The following DMD variants were observed in gnomAD, a reference collection of about 807,000 sequenced individuals.
The protein encoded by DMD is dystrophin.
In DMD, 63 loss-of-function variants were observed where a neutral mutation model predicts 330.1. The ratio of observed to expected loss-of-function variants is 0.19; its 90% confidence interval spans 0.16 to 0.24. DMD has a LOEUF of 0.24. DMD is among the 10% of genes least tolerant of loss of function. The pLI is 1.00. For missense variants in DMD, 3,344 were observed against 2,684.1 expected (o/e 1.25, Z -5.43); for synonymous variants, 1,223 against 959.8 (o/e 1.27, Z -5.07).
At chrX:31,833,275 A>G (rs938629759) in intron 49 of DMD, among the ~76,000 whole-genome samples, 3 of 40,463 alleles carry the variant, frequency 7.4e-5, no homozygotes, top group South Asian at 1.6e-3. Flanking sequence ...AGGAAGGGGG[A>G]GAGAGAGAGA....
intron 9 of DMD, among the ~76,000 whole-genome samples, chrX:32,672,142 T>C (rs1284933819): frequency 9.0e-6 from 1 of 111,530 alleles, no homozygotes; most frequent in African/African-American, 3.2e-5. Flanking sequence ...ATTTTGAATA[T>C]ATTAGTTGTG....
Position 31,915,097 on chromosome X carries a change from A to G in DMD, c.6912+14499T>C, listed in dbSNP as rs1413364594. Among the ~76,000 whole-genome samples the G allele has an allele frequency of 2.7e-5, 3 of 112,515 alleles. No individual in the cohort carries two copies. In the East Asian group the frequency reaches 8.4e-4, roughly 32 times the overall value. On this transcript the variant is annotated intron_variant, in intron 47 of 78. Coordinates refer to ENST00000357033, the MANE Select transcript of DMD (RefSeq NM_004006.3). ...GAGCAGATAGCATAACTTTCACTTT[A>G]TAGGTCACTGGACCATGAGGAACCA... is the stretch of plus-strand genomic sequence containing the variant.
chrX:32,549,150 C>T (rs1376455426), intron 16 of DMD, among the ~76,000 whole-genome samples: 2 of 111,908 alleles, frequency 1.8e-5, no homozygotes, highest in Non-Finnish European at 3.8e-5. Context: ...GCTGATTCCT[C>T]TTAGAGTGGT....
intron 44 of DMD, among the ~76,000 whole-genome samples, chrX:32,044,428 A>ATTT (rs771155386): frequency 0.011 from 1,008 of 95,550 alleles, 20 homozygotes; most frequent in Middle Eastern, 0.026. Context: ...TTATTTATTT[A>ATTT]ATTTTTTTTT....
intron 62 of DMD, among the ~76,000 whole-genome samples, chrX:31,283,385 C>A (rs2052774258): frequency 1.8e-5 from 2 of 110,955 alleles, no homozygotes; most frequent in Non-Finnish European, 3.8e-5. Flanking sequence ...TGAAGAAAGC[C>A]CAAAATATGG....
chrX:32,975,258 C>A (rs2092507021), intron 2 of DMD, among the ~76,000 whole-genome samples: 1 of 109,418 alleles, frequency 9.1e-6, no homozygotes, highest in African/African-American at 3.3e-5. Flanking sequence ...ACAGCCAACC[C>A]ACAGTAAAAA....
intron 7 of DMD, among the ~76,000 whole-genome samples, chrX:32,763,119 C>T (rs1033611579): frequency 6.3e-5 from 7 of 111,619 alleles, no homozygotes; most frequent in East Asian, 5.7e-4. Flanking sequence ...TCAATTAAAA[C>T]GTAGCTTAAT....
intron 63 of DMD, among the ~76,000 whole-genome samples, chrX:31,250,243 A>G (rs2049212402): frequency 9.0e-6 from 1 of 111,557 alleles, no homozygotes; most frequent in Admixed American, 9.6e-5. Context: ...TATATACATT[A>G]TATTTAATTA....
At chrX:31,603,148 T>C (rs1183260903) in intron 55 of DMD, among the ~76,000 whole-genome samples, 3 of 110,614 alleles carry the variant, frequency 2.7e-5, no homozygotes, top group African/African-American at 6.6e-5. Flanking sequence ...ATATGTGGTA[T>C]AGACCCGAAC....
At chrX:31,785,285 G>A (rs2091237388) in intron 50 of DMD, among the ~76,000 whole-genome samples, 1 of 111,707 alleles carries the variant, frequency 9.0e-6, no homozygotes, top group Non-Finnish European at 1.9e-5. Context: ...CAGTGCTGGG[G>A]TACAGGGAGC....
chrX:32,893,410 TGAG>T (rs1387963108), intron 2 of DMD, among the ~76,000 whole-genome samples: 4 of 111,839 alleles, frequency 3.6e-5, no homozygotes, highest in Non-Finnish European at 5.6e-5. Context: ...CCTTAAAAAA[TGAG>T]AATACCACCT....
intron 41 of DMD, among the ~76,000 whole-genome samples, chrX:32,335,634 CATATACATAACATGTT>C (rs1426591571): frequency 7.0e-5 from 1 of 14,348 alleles, no homozygotes; most frequent in Non-Finnish European, 1.5e-4. Flanking sequence ...ATATACATAA[CATATACATAACATGTT>C]ATATACATAA....
chrX:32,184,832 CTTT>C (rs78157427), intron 44 of DMD, among the ~76,000 whole-genome samples: 1,251 of 60,659 alleles, frequency 0.021, 27 homozygotes, highest in African/African-American at 0.071. Flanking sequence ...CTACAGATGT[CTTT>C]TTTTTTTTTT....
intron 67 of DMD, among the ~76,000 whole-genome samples, chrX:31,188,853 C>T (rs898342337): frequency 8.9e-6 from 1 of 111,883 alleles, no homozygotes; most frequent in Non-Finnish European, 1.9e-5. Context: ...TGGCTTCATA[C>T]AAATATCACC....
At chrX:31,293,542 T>C (rs770611245) in intron 62 of DMD, among the ~76,000 whole-genome samples, 17 of 111,323 alleles carry the variant, frequency 1.5e-4, no homozygotes, top group Non-Finnish European at 2.3e-4. Context: ...ATCTATTTAT[T>C]GAACAAGGAT....
chrX:32,008,975 C>T (rs1330892231), intron 44 of DMD, among the ~76,000 whole-genome samples: 2 of 111,432 alleles, frequency 1.8e-5, no homozygotes, highest in Non-Finnish European at 3.8e-5. Context: ...GCCACTGATA[C>T]GTTTTGAGCT....
intron 44 of DMD, among the ~76,000 whole-genome samples, chrX:32,038,229 T>G (rs1420736277): frequency 9.0e-6 from 1 of 111,725 alleles, no homozygotes; most frequent in East Asian, 2.8e-4. Flanking sequence ...AAGACGGATC[T>G]ATCGACTGCC....
intron 2 of DMD, among the ~76,000 whole-genome samples, chrX:32,941,410 T>C (rs1401088205): frequency 8.9e-6 from 1 of 111,965 alleles, no homozygotes; most frequent in African/African-American, 3.2e-5. Context: ...TAGATACACA[T>C]CATTGGTGGA....
intron 7 of DMD, among the ~76,000 whole-genome samples, chrX:32,726,923 G>A (rs867143467): frequency 1.8e-5 from 2 of 110,277 alleles, no homozygotes; most frequent in South Asian, 3.8e-4. Context: ...CTACCATGAC[G>A]ATAAAGGACA....
Sources: gnomAD v4.1 joint callset for allele counts (sites outside exome capture counted in the v4.1 genomes callset) on GRCh38, gnomAD v4.1.1 for gene constraint, MANE v1.5 for transcripts, NCBI Gene and HGNC (gene_info 2026-07-23, HGNC 2026-07-21) for gene names.